Variants in MIPOL1 observed in about 807,000 individuals in gnomAD.
MIPOL1 encodes mirror-image polydactyly 1, also known as mirror-image polydactyly gene 1 protein.
A neutral mutation model predicts 60.9 loss-of-function variants in MIPOL1; 57 were observed. The ratio of observed to expected loss-of-function variants is 0.94; its 90% CI spans 0.76 to 1.17. MIPOL1 has a LOEUF of 1.17. Among genes scored for constraint, MIPOL1 ranks in the 50% most tolerant of loss-of-function variants. The pLI, the probability that MIPOL1 is intolerant of heterozygous loss-of-function variation, is 0.00. For missense variants in MIPOL1, 551 were observed against 511.6 expected (o/e 1.08, Z -0.74); for synonymous variants, 179 against 168.8 (o/e 1.06, Z -0.47).
At position 37,275,568 on chromosome 14, in the gene MIPOL1, A is replaced by G. The variant is rs188011683; in HGVS notation, c.493+5043A>G. ...TTCAATTAAACCTTTCATTTTTCCT[A>G]AACAGTCACAGTGGGCATTATCTAG... On this transcript the variant is annotated intron_variant, in intron 6 of 12. Transcript: ENST00000684589. Among the ~76,000 whole-genome samples, 73 of 151,310 alleles carry G rather than the reference A, an allele frequency of 4.8e-4. 1 individual carries two copies. Among genetic ancestry groups the G allele is most frequent in the Admixed American group, 7.9e-4 (12 of 15,172 alleles).
intron 9 of MIPOL1, among the ~76,000 whole-genome samples, chr14:37,360,569 C>T (rs10162343): frequency 0.99 from 150,489 of 152,288 alleles, 74,380 homozygotes; most frequent in Middle Eastern, 1. Flanking sequence ...TCCAGGAATT[C>T]ATCCATTTCT....
intron 10 of MIPOL1, among the ~76,000 whole-genome samples, chr14:37,380,812 A>G (rs2153508479): frequency 6.6e-6 from 1 of 152,284 alleles, no homozygotes; most frequent in African/African-American, 2.4e-5. Context: ...ATTTTGTAAT[A>G]TGCCACAAAT....
intron 11 of MIPOL1, among the ~76,000 whole-genome samples, chr14:37,451,240 CT>C (rs2094412620): frequency 1.3e-5 from 2 of 152,178 alleles, no homozygotes; most frequent in Non-Finnish European, 1.5e-5. Flanking sequence ...GTATCACCCC[CT>C]ACTTCATCTC....
chr14:37,425,604 G>T (rs560282096), intron 11 of MIPOL1, among the ~76,000 whole-genome samples: 1 of 152,278 alleles, frequency 6.6e-6, no homozygotes, highest in Admixed American at 6.5e-5. Flanking sequence ...TAAAATGAGA[G>T]TAATAGTACC....
At chr14:37,248,588 G>C (rs1973567755) in intron 3 of MIPOL1, among the ~76,000 whole-genome samples, 1 of 151,758 alleles carries the variant, frequency 6.6e-6, no homozygotes, top group East Asian at 1.9e-4. Context: ...GGCTCTTTCA[G>C]ACATATAGCG....
chr14:37,383,097 G>A (rs1193478523), intron 10 of MIPOL1, among the ~76,000 whole-genome samples: 4 of 151,214 alleles, frequency 2.6e-5, no homozygotes, highest in Non-Finnish European at 5.9e-5. Context: ...ACTTTGAATC[G>A]TGTACAACCA....
chr14:37,530,239 A>G (rs891471517), intron 12 of MIPOL1, among the ~76,000 whole-genome samples: 1 of 152,208 alleles, frequency 6.6e-6, no homozygotes, highest in Non-Finnish European at 1.5e-5. Context: ...GAGATAGGAA[A>G]AACACAGTGC....
At chr14:37,202,936 G>A (rs540849904) in intron 1 of MIPOL1, among the ~76,000 whole-genome samples, 1 of 152,092 alleles carries the variant, frequency 6.6e-6, no homozygotes, top group Non-Finnish European at 1.5e-5. Flanking sequence ...CTTATTTGTT[G>A]CTTTTATAAT....
At position 37,258,222 on chromosome 14, in the gene MIPOL1, A is replaced by T. The variant is rs184421877; in HGVS notation, c.20-8716A>T. On this transcript the variant is annotated intron_variant, in intron 3 of 12. Transcript: ENST00000684589. ...AACAAAATGAGTGGCACATATAAAG[A>T]AAGTTTGTTTTTTCCTCTTTATTAT... Among the ~76,000 whole-genome samples the T allele has an allele frequency of 7.2e-5, 11 of 152,238 alleles. No homozygotes were observed. The East Asian group carries it at 2.1e-3, about 29-fold the overall frequency.
At chr14:37,236,660 A>AC (rs760713789) in intron 1 of MIPOL1, among the ~76,000 whole-genome samples, 2 of 150,832 alleles carry the variant, frequency 1.3e-5, no homozygotes, top group Non-Finnish European at 3.0e-5. Context: ...CTGGTCTTGA[A>AC]CTCCTGACCT....
chr14:37,348,923 T>C (rs1423862304), intron 9 of MIPOL1, among the ~76,000 whole-genome samples: 1 of 148,818 alleles, frequency 6.7e-6, no homozygotes, highest in Non-Finnish European at 1.5e-5. Flanking sequence ...CTGCCTCCTG[T>C]GTTCAAGGGA....
chr14:37,283,934 A>G (rs2153408749), intron 6 of MIPOL1, among the ~76,000 whole-genome samples: 1 of 152,172 alleles, frequency 6.6e-6, no homozygotes, highest in Non-Finnish European at 1.5e-5. Flanking sequence ...AGCTGTTATT[A>G]TTGCCCTTAC....
rs554631219 is a variant in MIPOL1, at chr14:37,297,899, T to C, written c.624-10157T>C. Among the ~76,000 whole-genome samples the C allele has an allele frequency of 1.8e-3, 270 of 152,210 alleles. 1 individual carries two copies. Among genetic ancestry groups the C allele is most frequent in the African/African-American group, 5.9e-3 (243 of 41,534 alleles). On this transcript the variant is annotated intron_variant, in intron 7 of 12. Transcript: ENST00000684589. ...TACTGCCCAAGGTAATTTATAGATT[T>C]AATGCCATCCCCATCAAGCTACCAA...
At chr14:37,491,864 T>C (rs1274515895) in intron 11 of MIPOL1, among the ~76,000 whole-genome samples, 1 of 152,200 alleles carries the variant, frequency 6.6e-6, no homozygotes, top group Non-Finnish European at 1.5e-5. Context: ...GACTGTCTGA[T>C]TTGCAGATTA....
intron 11 of MIPOL1, among the ~76,000 whole-genome samples, chr14:37,441,836 A>C (rs1206420329): frequency 1.3e-5 from 2 of 152,048 alleles, no homozygotes; most frequent in Non-Finnish European, 1.5e-5. Flanking sequence ...CCTGCTTTGA[A>C]TCTGCAGATT....
intron 12 of MIPOL1, among the ~76,000 whole-genome samples, chr14:37,537,600 A>G (rs1299740760): frequency 6.6e-6 from 1 of 152,160 alleles, no homozygotes; most frequent in African/African-American, 2.4e-5. Flanking sequence ...TTAAGTTCCT[A>G]TCCATTTAAT....
In MIPOL1 at chr14:37,201,774, C is replaced by T. The variant is rs1965381727; in HGVS notation, c.-199+3670C>T. Among the ~76,000 whole-genome samples the T allele has an allele frequency of 2.0e-5, 3 of 152,240 alleles. No individual in the cohort carries two copies. In the South Asian group the frequency reaches 6.2e-4, roughly 32 times the overall value. On this transcript the variant is annotated intron_variant, in intron 1 of 12. Coordinates refer to ENST00000684589, the MANE Select transcript of MIPOL1 (RefSeq NM_001388067.1). ...TATTGCCCAAAATTTTACTTTAATA[C>T]CATTCAGCCCACCATCCATGTTAAC...
intron 11 of MIPOL1, among the ~76,000 whole-genome samples, chr14:37,486,731 A>G (rs1313267767): frequency 6.6e-6 from 1 of 152,212 alleles, no homozygotes; most frequent in Non-Finnish European, 1.5e-5. Context: ...TTTTGGGCTG[A>G]GACGATGGGG....
At chr14:37,447,424 C>T (rs1397250335) in intron 11 of MIPOL1, among the ~76,000 whole-genome samples, 1 of 152,024 alleles carries the variant, frequency 6.6e-6, no homozygotes, top group East Asian at 1.9e-4. Flanking sequence ...GAAAGATGCC[C>T]ATCACACTTT....
Sources: allele counts gnomAD v4.1 joint callset (sites outside exome capture counted in the v4.1 genomes callset), GRCh38; gene constraint gnomAD v4.1.1; transcripts MANE v1.5; gene names NCBI Gene and HGNC (gene_info 2026-07-23, HGNC 2026-07-21).